The following NRG1 variants were observed in gnomAD, a reference collection of about 807,000 sequenced individuals.
NRG1 encodes the protein pro-neuregulin-1, membrane-bound isoform.
NRG1 carries 18 observed loss-of-function variants against 63.8 expected under a neutral mutation model. The observed-to-expected ratio is 0.28, with a 90% CI of 0.19 to 0.42. The LOEUF (loss-of-function observed/expected upper bound fraction) is 0.42. Among genes scored for constraint, NRG1 ranks in the 10% least tolerant of loss-of-function variants. The pLI, the probability that NRG1 is intolerant of heterozygous loss-of-function variation, is 1.00. For missense variants in NRG1, 762 were observed against 814.7 expected, an observed-to-expected ratio of 0.94 and a Z score of 0.79; for synonymous variants, 302 against 301.3, an observed-to-expected ratio of 1.00 and a Z score of -0.02.
At chr8:32,391,410 A>G (rs1171688213) in intron 1 of NRG1, among the ~76,000 whole-genome samples, 1 of 152,106 alleles carries the variant, frequency 6.6e-6, no homozygotes. Context: ...GGTTTGTTAT[A>G]TAGATAAACT....
At chr8:32,074,123 T>C (rs1469335107) in intron 1 of NRG1, among the ~76,000 whole-genome samples, 5 of 152,208 alleles carry the variant, frequency 3.3e-5, no homozygotes, top group Non-Finnish European at 5.9e-5. Context: ...CAAGAGGTAC[T>C]ATACTAAACC....
chr8:32,728,418 T>C, intron 6 of NRG1: 1 of 985,376 alleles, frequency 1.0e-6, no homozygotes, highest in Non-Finnish European at 1.2e-6. Flanking sequence ...TTTTGGTATC[T>C]ACTTCTACAT....
chr8:32,531,645 C>A (rs551214533), intron 1 of NRG1, among the ~76,000 whole-genome samples: 13 of 152,092 alleles, frequency 8.5e-5, no homozygotes, highest in Admixed American at 2.0e-4. Flanking sequence ...TTGCAACTTA[C>A]GAAATGGTAT....
At chr8:31,696,425 T>C (rs969683620) in intron 1 of NRG1, among the ~76,000 whole-genome samples, 6 of 152,160 alleles carry the variant, frequency 3.9e-5, no homozygotes, top group African/African-American at 1.4e-4. Context: ...ATCTGTGTAC[T>C]AGAAAGAAGA....
At chr8:31,776,769 A>G (rs374521543) in intron 1 of NRG1, among the ~76,000 whole-genome samples, 31 of 151,720 alleles carry the variant, frequency 2.0e-4, no homozygotes, top group African/African-American at 5.8e-4. Context: ...ATTCCCACCT[A>G]TGAGTGGGAA....
At chr8:32,399,917 C>T (rs1812949345) in intron 1 of NRG1, among the ~76,000 whole-genome samples, 2 of 152,118 alleles carry the variant, frequency 1.3e-5, no homozygotes, top group Non-Finnish European at 2.9e-5. Flanking sequence ...TCTTCAAGTA[C>T]ATGTAAGTTT....
chr8:32,114,160 C>T (rs1355442359), intron 1 of NRG1, among the ~76,000 whole-genome samples: 1 of 152,200 alleles, frequency 6.6e-6, no homozygotes, highest in Non-Finnish European at 1.5e-5. Context: ...CTTGAGTCAC[C>T]AGCCTTGGCT....
chr8:31,640,789 C>T lies in NRG1; in HGVS notation c.37+1358C>T. On this transcript the variant is annotated intron_variant, in intron 1 of 10. Transcript: ENST00000519301. This position sits in a 1 kb window ranked among gnomAD's most constrained non-coding sequence, Gnocchi z 6.3. ...GCGAGGAGGGCGCATCCCGGGCGCG[C>T]GGGCAGCGGGGCTCGACGGCCGCCC... 1 of 1,437,822 alleles carries T rather than the reference C, an allele frequency of 7.0e-7. No individual in the cohort carries two copies. The highest frequency in any genetic ancestry group is 1.5e-5 in the South Asian group (1 of 66,624). The allele number at this position is 1,437,822 out of a possible 1,614,324, so 89.1% of individuals were successfully genotyped here.
chr8:32,116,612 CAGAG>C (rs1325304255), intron 1 of NRG1, among the ~76,000 whole-genome samples: 10 of 152,120 alleles, frequency 6.6e-5, no homozygotes, highest in Non-Finnish European at 1.0e-4. Context: ...AAGTGCCTGT[CAGAG>C]AGAATCTTTT....
At chr8:32,150,589 G>A (rs554076106) in intron 1 of NRG1, among the ~76,000 whole-genome samples, 133 of 152,222 alleles carry the variant, frequency 8.7e-4, no homozygotes, top group Non-Finnish European at 1.4e-3. Context: ...ATGTGCTGGC[G>A]CCTTAATCTT....
chr8:32,621,369 G>A (rs1310889384), intron 5 of NRG1, among the ~76,000 whole-genome samples: 1 of 152,138 alleles, frequency 6.6e-6, no homozygotes, highest in Non-Finnish European at 1.5e-5. Flanking sequence ...AGAAGAACTT[G>A]AACCTTACAA....
In NRG1 at chr8:32,356,482, C is replaced by G. The variant is rs78374534; in HGVS notation, c.38-239346C>G. 1.7e-4 allele frequency among the ~76,000 whole-genome samples: 22 copies of G among 131,746 alleles called. 1 individual carries two copies. In the South Asian group the frequency reaches 1.9e-3, roughly 12 times the overall value. 86.4% of individuals were successfully genotyped at this position (131,746 alleles called of 152,430 possible). A position where few individuals can be genotyped will look rare whatever the true frequency, so the allele number is the denominator to read the frequency against. On this transcript the variant is annotated intron_variant, in intron 1 of 10. Coordinates refer to the NRG1 transcript ENST00000519301. ...AGAGTTTCCTTGTTGGGACCCCCCC[C>G]CCACCCGCCGGGCCCCACCCCGTTG...
At chr8:32,390,919 T>A (rs1249017418) in intron 1 of NRG1, among the ~76,000 whole-genome samples, 1 of 152,188 alleles carries the variant, frequency 6.6e-6, no homozygotes, top group East Asian at 1.9e-4. Flanking sequence ...CTTAATCAAT[T>A]GTAAAGAAAC....
At chr8:32,162,360 T>C (rs1329674114) in intron 1 of NRG1, among the ~76,000 whole-genome samples, 1 of 152,228 alleles carries the variant, frequency 6.6e-6, no homozygotes, top group Non-Finnish European at 1.5e-5. Context: ...AAAGCATGCG[T>C]ACATTTTTCA....
At chr8:32,085,913 G>T (rs1388773128) in intron 1 of NRG1, among the ~76,000 whole-genome samples, 1 of 152,220 alleles carries the variant, frequency 6.6e-6, no homozygotes, top group Non-Finnish European at 1.5e-5. Context: ...CATGGCCACA[G>T]TCAGGTGTGA....
At chr8:32,295,861 C>T (rs992784543) in intron 1 of NRG1, among the ~76,000 whole-genome samples, 7 of 149,158 alleles carry the variant, frequency 4.7e-5, no homozygotes, top group Middle Eastern at 3.5e-3. Flanking sequence ...TGCTTGAACC[C>T]GGGAGGCGGA....
chr8:32,676,154 G>A (rs1434827546), intron 5 of NRG1, among the ~76,000 whole-genome samples: 1 of 152,186 alleles, frequency 6.6e-6, no homozygotes, highest in Non-Finnish European at 1.5e-5. Flanking sequence ...TCATTTTGAT[G>A]TTTTAGTGGC....
intron 1 of NRG1, among the ~76,000 whole-genome samples, chr8:31,942,106 T>C (rs546211034): frequency 6.6e-6 from 1 of 152,008 alleles, no homozygotes; most frequent in South Asian, 2.1e-4. Flanking sequence ...AAAGAACAAA[T>C]CTGAAGGCAT....
intron 1 of NRG1, among the ~76,000 whole-genome samples, chr8:31,853,252 G>T (rs1423014234): frequency 1.3e-5 from 2 of 152,056 alleles, no homozygotes; most frequent in African/African-American, 4.8e-5. Flanking sequence ...AGCATGGAAT[G>T]TTCTTCCATT....
Sources: allele counts gnomAD v4.1 joint callset (sites outside exome capture counted in the v4.1 genomes callset), GRCh38; gene constraint gnomAD v4.1.1; non-coding constraint Gnocchi (gnomAD v3.1); transcripts MANE v1.5; gene names NCBI Gene and HGNC (gene_info 2026-07-23, HGNC 2026-07-21).